VOPP1: variants seen among roughly 807,000 people sequenced by gnomAD.
The protein encoded by VOPP1 is VOPP1 WW domain binding protein.
VOPP1 carries 8 observed loss-of-function variants against 23.5 expected under a neutral mutation model. The ratio of observed to expected loss-of-function variants is 0.34; its 90% confidence interval spans 0.20 to 0.61. The LOEUF is 0.61. Ranked by LOEUF, VOPP1 falls within the 20% of genes least tolerant of loss-of-function variation. The probability of loss-of-function intolerance (pLI) is 0.78; values close to 1 mark genes in which losing one functional copy is unlikely to be tolerated. For synonymous variants in VOPP1, 83 were observed against 97.3 expected (o/e 0.85, Z 0.86); for missense variants, 174 against 238.1 (o/e 0.73, Z 1.77).
intron 1 of VOPP1, among the ~76,000 whole-genome samples, chr7:55,525,764 T>G (rs1584030589): frequency 1.6e-5 from 1 of 63,210 alleles, no homozygotes; most frequent in African/African-American, 6.0e-5. Flanking sequence ...TTTTCCAAAA[T>G]CTCCCTAAAA....
At chr7:55,500,174 C>T (rs1794269578) in intron 2 of VOPP1, among the ~76,000 whole-genome samples, 1 of 152,108 alleles carries the variant, frequency 6.6e-6, no homozygotes, top group Non-Finnish European at 1.5e-5. Flanking sequence ...CTCAGAGAAC[C>T]CACCCTGCAT....
chr7:55,445,622 C>A (rs942292009), intron 4 of VOPP1, among the ~76,000 whole-genome samples: 7 of 152,136 alleles, frequency 4.6e-5, no homozygotes, highest in Non-Finnish European at 1.0e-4. Flanking sequence ...TGCTGACTTT[C>A]TCAGGACTCC....
intron 1 of VOPP1, among the ~76,000 whole-genome samples, chr7:55,569,645 T>G (rs1798283224): frequency 6.6e-6 from 1 of 152,322 alleles, no homozygotes; most frequent in East Asian, 1.9e-4. Context: ...CGTGTAACAT[T>G]TATAGAACAG....
At chr7:55,490,116 T>C (rs935607022) in intron 4 of VOPP1, among the ~76,000 whole-genome samples, 1 of 152,190 alleles carries the variant, frequency 6.6e-6, no homozygotes, top group East Asian at 1.9e-4. Flanking sequence ...ACTGTGGACT[T>C]ACACTGTGAG....
rs183575839 is a variant in VOPP1, at chr7:55,454,013, C to T, written n.418-17839G>A. Among the ~76,000 whole-genome samples the T allele has an allele frequency of 1.9e-3, 296 of 152,062 alleles. 3 individuals are homozygous for T. Among genetic ancestry groups the T allele is most frequent in the East Asian group, 1.9e-3 (10 of 5,186 alleles). On this transcript the variant is annotated intron_variant and non_coding_transcript_variant, in intron 4 of 4. Coordinates refer to the VOPP1 transcript ENST00000462326. ...ATACCAAATCCTCATTTATTCATCA[C>T]CCACATCCAGTCCTTATTTTTAAAA...
At chr7:55,561,279 C>T (rs986778699) in intron 1 of VOPP1, among the ~76,000 whole-genome samples, 8 of 152,114 alleles carry the variant, frequency 5.3e-5, no homozygotes, top group African/African-American at 1.7e-4. Context: ...TTGATGACCT[C>T]CTTCCTCATC....
intron 2 of VOPP1, among the ~76,000 whole-genome samples, chr7:55,512,838 T>C (rs1477966568): frequency 6.6e-6 from 1 of 152,134 alleles, no homozygotes. Context: ...CACAGAGCCA[T>C]AAAGGGCACC....
intron 3 of VOPP1, among the ~76,000 whole-genome samples, 193 bp downstream of exon 3, chr7:55,497,420 G>A (rs1319349350): frequency 1.3e-5 from 2 of 152,154 alleles, no homozygotes; most frequent in Admixed American, 1.3e-4. Context: ...AACAAAAACA[G>A]GCTTCCCACA....
At chr7:55,461,066 G>C (rs968967772) in intron 4 of VOPP1, among the ~76,000 whole-genome samples, 1 of 152,068 alleles carries the variant, frequency 6.6e-6, no homozygotes, top group Non-Finnish European at 1.5e-5. Context: ...AAAAAGGAAT[G>C]AACTAATGGC....
intron 4 of VOPP1, among the ~76,000 whole-genome samples, chr7:55,452,650 AAAC>A (rs1233773331): frequency 6.6e-6 from 1 of 152,242 alleles, no homozygotes; most frequent in East Asian, 1.9e-4. Context: ...GCAGGCATGA[AAAC>A]AACAATAATC....
chr7:55,496,757 A>G (rs1372047762), intron 3 of VOPP1, among the ~76,000 whole-genome samples: 2 of 152,260 alleles, frequency 1.3e-5, no homozygotes, highest in African/African-American at 4.8e-5. Flanking sequence ...CTGCTGTCAC[A>G]TGCTCAGTAA....
intron 1 of VOPP1, among the ~76,000 whole-genome samples, chr7:55,547,680 TGA>T (rs1797427002): frequency 6.6e-6 from 1 of 152,194 alleles, no homozygotes; most frequent in Non-Finnish European, 1.5e-5. Context: ...ATGATAGCTT[TGA>T]GATAAAGAAA....
At chr7:55,549,790 C>T (rs4948035) in intron 1 of VOPP1, among the ~76,000 whole-genome samples, 91,076 of 152,102 alleles carry the variant, frequency 0.6, 28,816 homozygotes, top group Admixed American at 0.69. Flanking sequence ...TCTTTCCATA[C>T]AAGAGAGTAT....
At chr7:55,552,390 TTC>T (rs1275329992) in intron 1 of VOPP1, among the ~76,000 whole-genome samples, 2 of 152,184 alleles carry the variant, frequency 1.3e-5, no homozygotes, top group African/African-American at 4.8e-5. Flanking sequence ...AGTTTCCCAT[TTC>T]TGTCTTAAAT....
chr7:55,559,880 G>A (rs764654333), intron 1 of VOPP1, among the ~76,000 whole-genome samples: 12 of 152,214 alleles, frequency 7.9e-5, no homozygotes, highest in East Asian at 1.9e-4. Context: ...CTGGCCAGGC[G>A]CAGTGTCTCA....
chr7:55,436,686 A>G (rs765300364), intron 4 of VOPP1, among the ~76,000 whole-genome samples: 3 of 151,464 alleles, frequency 2.0e-5, no homozygotes, highest in Non-Finnish European at 4.4e-5. Context: ...GCGTGTGTGC[A>G]TGTGCATGCG....
At chr7:55,504,000 T>A (rs546015166) in intron 2 of VOPP1, among the ~76,000 whole-genome samples, 2 of 152,266 alleles carry the variant, frequency 1.3e-5, no homozygotes, top group Admixed American at 6.5e-5. Flanking sequence ...AAAGTCGGAG[T>A]AAAATATTCA....
chr7:55,447,532 A>C (rs549907477), intron 4 of VOPP1, among the ~76,000 whole-genome samples: 6 of 152,332 alleles, frequency 3.9e-5, no homozygotes, highest in African/African-American at 1.4e-4. Context: ...AACTGAAGGC[A>C]ATTCAAGAGG....
At chr7:55,506,644 TC>T (rs1267919229) in intron 2 of VOPP1, among the ~76,000 whole-genome samples, 7 of 29,482 alleles carry the variant, frequency 2.4e-4, no homozygotes, top group African/African-American at 1.1e-3. Context: ...GCCACAAGCT[TC>T]TTTTTTTTTT....
Sources: allele counts gnomAD v4.1 joint callset (sites outside exome capture counted in the v4.1 genomes callset), GRCh38; gene constraint gnomAD v4.1.1; transcripts MANE v1.5; gene names NCBI Gene and HGNC (gene_info 2026-07-23, HGNC 2026-07-21).